SLMAP: variants seen among roughly 807,000 people sequenced by gnomAD.
The protein encoded by SLMAP is sarcolemmal membrane-associated protein.
In SLMAP, 44 loss-of-function variants were observed where a neutral mutation model predicts 128.8. That is an observed-to-expected ratio of 0.34 (90% CI 0.27 to 0.44). SLMAP has a LOEUF of 0.44. Among genes scored for constraint, SLMAP ranks in the 20% least tolerant of loss-of-function variants. The pLI, the probability that SLMAP is intolerant of heterozygous loss-of-function variation, is 1.00. For synonymous variants in SLMAP, 327 were observed against 348.8 expected, an observed-to-expected ratio of 0.94 and a Z score of 0.70; for missense variants, 787 against 985.3, an observed-to-expected ratio of 0.80 and a Z score of 2.69.
chr3:57,920,300 T>C (rs1173373197), intron 22 of SLMAP, among the ~76,000 whole-genome samples: 1 of 152,352 alleles, frequency 6.6e-6, no homozygotes, highest in Middle Eastern at 3.4e-3. Flanking sequence ...TTCTCTGGCA[T>C]ACTATCCAGG....
intron 2 of SLMAP, among the ~76,000 whole-genome samples, chr3:57,771,278 G>A (rs2080847137): frequency 6.6e-6 from 1 of 152,008 alleles, no homozygotes; most frequent in African/African-American, 2.4e-5. Flanking sequence ...AAGCTGGAGT[G>A]CAATGGTGGA....
chr3:57,853,480 T>C (rs1222876492), intron 6 of SLMAP, among the ~76,000 whole-genome samples: 2 of 152,188 alleles, frequency 1.3e-5, no homozygotes, highest in Non-Finnish European at 1.5e-5. Context: ...AGTGTTCCTC[T>C]GGATAATGAC....
At chr3:57,764,719 G>A (rs2079333833) in intron 2 of SLMAP, among the ~76,000 whole-genome samples, 1 of 152,106 alleles carries the variant, frequency 6.6e-6, no homozygotes, top group African/African-American at 2.4e-5. Flanking sequence ...GACCTGTGAG[G>A]AAATTGAGGC....
At chr3:57,886,818 G>A (rs2095902265) in intron 14 of SLMAP, among the ~76,000 whole-genome samples, 1 of 151,804 alleles carries the variant, frequency 6.6e-6, no homozygotes, top group Non-Finnish European at 1.5e-5. Flanking sequence ...CACACACTAA[G>A]CCAGACACAG....
At chr3:57,912,198 C>A in intron 19 of SLMAP, 183 bp from the exon 20 acceptor site, 1 of 517,300 alleles carries the variant, frequency 1.9e-6, no homozygotes. Flanking sequence ...ATGAAGATCA[C>A]TTTGGTTTTT....
chr3:57,849,462 T>C (rs1266172397), intron 5 of SLMAP, among the ~76,000 whole-genome samples: 1 of 152,202 alleles, frequency 6.6e-6, no homozygotes, highest in Non-Finnish European at 1.5e-5. Context: ...AGATGGCTAC[T>C]TCTAAATGAA....
chr3:57,875,632 G>C (rs2153626263), intron 14 of SLMAP, among the ~76,000 whole-genome samples: 1 of 152,318 alleles, frequency 6.6e-6, no homozygotes, highest in East Asian at 1.9e-4. Context: ...GCTAAGGAGA[G>C]GCCTACTATT....
intron 2 of SLMAP, among the ~76,000 whole-genome samples, chr3:57,807,932 C>G (rs540956144): frequency 6.6e-5 from 10 of 152,254 alleles, no homozygotes; most frequent in Admixed American, 3.9e-4. Flanking sequence ...CTGTTAATTA[C>G]TGCCTCCATT....
rs2096940602 is a variant in SLMAP, at chr3:57,922,756, C to T, written c.2311-133C>T. ...GACTTCTTATGAGTGCAAGTTATTC[C>T]TCCTTAAACAAAAAGACTTGACTTT... On this transcript the variant is annotated intron_variant, in intron 22 of 24. Coordinates refer to ENST00000671191, the MANE Select transcript of SLMAP (RefSeq NM_001377540.1). 1.3e-5 allele frequency: 10 copies of T among 794,900 alleles called. No individual in the cohort carries two copies. The South Asian group carries it at 1.7e-4, about 13-fold the overall frequency. 49.2% of individuals were successfully genotyped at this position (794,900 alleles called of 1,614,324 possible). A position where few individuals can be genotyped will look rare whatever the true frequency, so the allele number is the denominator to read the frequency against.
intron 22 of SLMAP, among the ~76,000 whole-genome samples, chr3:57,921,323 T>G (rs1396567484): frequency 1.3e-5 from 2 of 152,102 alleles, no homozygotes. Flanking sequence ...GTTTTGCTAT[T>G]TAAAAATTTC....
chr3:57,757,668 C>T lies in SLMAP; in HGVS notation c.17C>T (p.Ala6Val), dbSNP rs775695524. Residue 6 changes from alanine to valine, a missense_variant, in exon 2 of 25, where the codon GCC becomes GTC. Physicochemically the swap from Ala to Val is moderately conservative, Grantham distance 64 (BLOSUM62 0). Coordinates refer to ENST00000671191, the MANE Select transcript of SLMAP (RefSeq NM_001377540.1). MPSAL[A>V]IFTCRPNSHP... ...CTATCCTCGATGCCGTCAGCCTTGGCCATCTTCACTTGCCGCCCGAACTCG... is the reference window on the plus strand; with the variant it reads ...CTATCCTCGATGCCGTCAGCCTTGGTCATCTTCACTTGCCGCCCGAACTCG... The T allele has an allele frequency of 6.2e-7, 1 of 1,614,114 alleles. No individual in the cohort carries two copies.
intron 14 of SLMAP, among the ~76,000 whole-genome samples, chr3:57,873,553 C>T (rs1334620357): frequency 6.6e-6 from 1 of 152,090 alleles, no homozygotes; most frequent in Non-Finnish European, 1.5e-5. Flanking sequence ...ATTTATAAAG[C>T]AAAGATTAGT....
At chr3:57,884,284 AAG>A (rs1415815846) in intron 14 of SLMAP, among the ~76,000 whole-genome samples, 1 of 152,072 alleles carries the variant, frequency 6.6e-6, no homozygotes, top group Non-Finnish European at 1.5e-5. Flanking sequence ...TTTATTCAGA[AAG>A]ACTGAAGGTT....
intron 2 of SLMAP, among the ~76,000 whole-genome samples, chr3:57,801,831 G>T (rs1020905770): frequency 6.6e-6 from 1 of 151,964 alleles, no homozygotes; most frequent in East Asian, 1.9e-4. Flanking sequence ...GGCACAACAG[G>T]TTGTGCCAAT....
At position 57,864,837 on chromosome 3, in the gene SLMAP, T is replaced by A. The variant is rs1346599507; in HGVS notation, c.1166T>A (p.Leu389His). 1 of 1,587,958 alleles carries A rather than the reference T, an allele frequency of 6.3e-7. No homozygotes were observed. The highest frequency in any genetic ancestry group is 1.4e-5 in the African/African-American group (1 of 73,362). ...VRLEHLQEKT[L>H]KECSSLGIQV... The stretch of plus-strand genomic sequence containing the variant: ...TTAGAACATCTTCAGGAGAAAACTC[T>A]TAAAGAATGCAGCAGCTTGGGTAGG... Residue 389 changes from leucine to histidine, a missense_variant, in exon 12 of 25, where the codon CTT becomes CAT. By Grantham distance (99) the Leu-to-His change is moderately conservative (BLOSUM62 -3). Coordinates refer to ENST00000671191, the MANE Select transcript of SLMAP (RefSeq NM_001377540.1).
intron 2 of SLMAP, among the ~76,000 whole-genome samples, chr3:57,790,613 T>C (rs1407303930): frequency 2.0e-5 from 3 of 152,208 alleles, no homozygotes; most frequent in African/African-American, 7.2e-5. Context: ...CTTGTTTTTA[T>C]AATAGGTGCT....
chr3:57,914,788 G>T (rs1394331474), intron 21 of SLMAP, among the ~76,000 whole-genome samples: 2 of 151,732 alleles, frequency 1.3e-5, no homozygotes, highest in African/African-American at 4.8e-5. Flanking sequence ...CTCCATGTTG[G>T]TTAGGCTGTT....
intron 17 of SLMAP, among the ~76,000 whole-genome samples, chr3:57,906,969 G>A (rs1056184984): frequency 2.6e-5 from 4 of 151,450 alleles, no homozygotes; most frequent in South Asian, 4.2e-4. Context: ...AATTTATTTC[G>A]GTAAAACCAC....
intron 23 of SLMAP, among the ~76,000 whole-genome samples, chr3:57,924,624 C>T (rs898210200): frequency 1.3e-5 from 2 of 152,050 alleles, no homozygotes; most frequent in African/African-American, 2.4e-5. Context: ...GCCTTGGCCT[C>T]CCAAAGTGCT....
Sources: gnomAD v4.1 joint callset for allele counts (sites outside exome capture counted in the v4.1 genomes callset) on GRCh38, gnomAD v4.1.1 for gene constraint, MANE v1.5 for transcripts, NCBI Gene and HGNC (gene_info 2026-07-23, HGNC 2026-07-21) for gene names.